Variants in NME8 observed in about 807,000 individuals in gnomAD.
NME8 encodes the protein NME/NM23 family member 8.
In NME8, 72 loss-of-function variants were observed where a neutral mutation model predicts 82.3. The observed-to-expected ratio is 0.87, with a 90% CI of 0.72 to 1.06. The LOEUF (loss-of-function observed/expected upper bound fraction) is 1.06, where lower values mean the gene tolerates loss of function less well. Among genes scored for constraint, NME8 ranks in the 50% least tolerant of loss-of-function variants. The probability of loss-of-function intolerance (pLI) is 0.00; values close to 1 mark genes in which losing one functional copy is unlikely to be tolerated. For missense variants in NME8, 712 were observed against 685.4 expected, an observed-to-expected ratio of 1.04 and a Z score of -0.43; for synonymous variants, 267 against 228.5, an observed-to-expected ratio of 1.17 and a Z score of -1.52.
chr7:37,853,368 G>A (rs912521483), intron 5 of NME8, among the ~76,000 whole-genome samples: 1 of 152,128 alleles, frequency 6.6e-6, no homozygotes, highest in African/African-American at 2.4e-5. Context: ...CCAGAAAGGA[G>A]CTAGGAAATT....
intron 17 of NME8, among the ~76,000 whole-genome samples, chr7:37,897,674 C>T (rs550149269): frequency 2.0e-5 from 3 of 151,292 alleles, no homozygotes; most frequent in African/African-American, 7.3e-5. Context: ...TCACCCCCCA[C>T]CCCCCAACAG....
Position 37,884,337 on chromosome 7 carries a change from C to T in NME8, c.1029C>T (p.Phe343=). Residue 343 remains phenylalanine (F), a synonymous_variant, in exon 13 of 18, where the codon TTC becomes TTT. Coordinates refer to ENST00000199447, the MANE Select transcript of NME8 (RefSeq NM_016616.5). ...TGCGTATTATTAAAGATGAAGACTT[C>T]AAAATACTGGAGCAAAGACAAGTAG... ...DVLRIIKDED[F]KILEQRQVVL... is the part of the protein sequence containing the mutation. 6.3e-7 allele frequency: 1 copy of T among 1,596,716 alleles called. No homozygotes were observed. Among genetic ancestry groups the T allele is most frequent in the Non-Finnish European group, 8.6e-7 (1 of 1,164,386 alleles).
At chr7:37,860,005 C>A (rs1200889509) in intron 6 of NME8, among the ~76,000 whole-genome samples, 2 of 152,250 alleles carry the variant, frequency 1.3e-5, no homozygotes, top group Non-Finnish European at 2.9e-5. Flanking sequence ...TTTTAGCTGA[C>A]AACAGATTCA....
At chr7:37,855,963 G>T (rs545610234) in intron 5 of NME8, among the ~76,000 whole-genome samples, 64 of 152,104 alleles carry the variant, frequency 4.2e-4, no homozygotes, top group Non-Finnish European at 7.6e-4. Context: ...ATTACTCTTA[G>T]ACTGGATTCT....
chr7:37,869,129 T>C (rs1784733415), intron 11 of NME8, among the ~76,000 whole-genome samples: 1 of 152,218 alleles, frequency 6.6e-6, no homozygotes, highest in South Asian at 2.1e-4. Context: ...TCTTGACTTA[T>C]TAATGAATCA....
chr7:37,889,018 T>C (rs1438670865), intron 15 of NME8, among the ~76,000 whole-genome samples: 7 of 151,892 alleles, frequency 4.6e-5, no homozygotes, highest in Admixed American at 2.0e-4. Flanking sequence ...AGCACTGAGA[T>C]TGGTATTTGG....
chr7:37,858,657 G>A (rs1054668232), intron 6 of NME8, among the ~76,000 whole-genome samples: 2 of 152,190 alleles, frequency 1.3e-5, no homozygotes, highest in Non-Finnish European at 2.9e-5. Flanking sequence ...GGAACAATGA[G>A]GAGGCTTTAG....
intron 6 of NME8, among the ~76,000 whole-genome samples, chr7:37,859,278 G>A (rs1784563168): frequency 6.6e-6 from 1 of 152,094 alleles, no homozygotes; most frequent in South Asian, 2.1e-4. Flanking sequence ...CAGAGTTTAA[G>A]TCCACCCTTC....
intron 6 of NME8, among the ~76,000 whole-genome samples, chr7:37,860,678 C>T (rs914957699): frequency 1.3e-5 from 2 of 152,158 alleles, no homozygotes; most frequent in Non-Finnish European, 2.9e-5. Flanking sequence ...CAATAAATCA[C>T]GTTTACATCT....
Position 37,862,061 on chromosome 7 carries a change from A to C in NME8, c.304A>C (p.Asn102His). ...AATTATCGAAAAGATTCAGGGTGCA[A>C]ATGCACCGCTTGTTAATAAAAAAGT... Reference protein sequence around the residue: ...GKIIEKIQGANAPLVNKKVIN... With the variant: ...GKIIEKIQGAHAPLVNKKVIN... The change falls in exon 7 of 18, where the codon AAT (asparagine) becomes CAT (histidine). Residue 102 changes from asparagine to histidine, a missense_variant. By Grantham distance (68) the Asn-to-His change is moderately conservative. Coordinates refer to ENST00000199447, the MANE Select transcript of NME8 (RefSeq NM_016616.5). The C allele has an allele frequency of 6.2e-7, 1 of 1,613,594 alleles. No individual in the cohort carries two copies. The highest frequency in any genetic ancestry group is 8.5e-7 in the Non-Finnish European group (1 of 1,179,624).
chr7:37,894,424 G>T, intron 15 of NME8, 42 bp from the exon 16 acceptor site: 1 of 1,595,116 alleles, frequency 6.3e-7, no homozygotes, highest in South Asian at 1.1e-5. Context: ...TGGAGGAAAA[G>T]TGAAGCAATC....
intron 15 of NME8, among the ~76,000 whole-genome samples, chr7:37,894,152 A>C (rs963023123): frequency 1.3e-5 from 2 of 152,166 alleles, no homozygotes; most frequent in Non-Finnish European, 2.9e-5. Flanking sequence ...TGGCATTTGT[A>C]GTATGAAGGT....
Position 37,888,363 on chromosome 7 carries a change from A to G in NME8, c.1334A>G (p.Gln445Arg). Residue 445 changes from glutamine to arginine, a missense_variant, in exon 15 of 18, where the codon CAG becomes CGG. Physicochemically the swap from Gln to Arg is conservative, Grantham distance 43. Coordinates refer to ENST00000199447, the MANE Select transcript of NME8 (RefSeq NM_016616.5). Reference sequence around the variant, plus strand: ...TTAGAAACCGCTGAAAGGGAAATACAGCATTTCTTTCCTCTTCAAAGCACT... The same window carrying G: ...TTAGAAACCGCTGAAAGGGAAATACGGCATTTCTTTCCTCTTCAAAGCACT... ...DSLETAEREIQHFFPLQSTLG... is the reference protein window; with the variant it reads ...DSLETAEREIRHFFPLQSTLG... The G allele has an allele frequency of 1.2e-6, 2 of 1,613,578 alleles. No individual in the cohort carries two copies. Among genetic ancestry groups the G allele is most frequent in the Non-Finnish European group, 1.7e-6 (2 of 1,179,650 alleles).
Position 37,863,445 on chromosome 7 carries a change from C to CA in NME8, c.438dup (p.Pro147ThrfsTer3), listed in dbSNP as rs778583824. On this transcript the variant is annotated frameshift_variant, in exon 8 of 18. Transcript: ENST00000199447. LOFTEE classifies it high-confidence loss of function. ...TCAGATTCAGAAGTTAGTGAAGAAT[C>CA]ACCATGTGAAAGTGTTCGTAAGTAA... is the stretch of plus-strand genomic sequence containing the variant. 84 of 1,598,718 alleles carry CA rather than the reference C, an allele frequency of 5.3e-5. No individual in the cohort carries two copies. The highest frequency in any genetic ancestry group is 6.9e-5 in the Non-Finnish European group (81 of 1,166,234).
At chr7:37,857,572 G>A (rs1040593839) in intron 6 of NME8, among the ~76,000 whole-genome samples, 3 of 152,180 alleles carry the variant, frequency 2.0e-5, no homozygotes, top group East Asian at 3.8e-4. Flanking sequence ...GAAAGGAAAA[G>A]TAAGATGGCG....
At chr7:37,877,048 A>G (rs2131960425) in intron 12 of NME8, 41 bp downstream of exon 12, 2 of 1,520,512 alleles carry the variant, frequency 1.3e-6, no homozygotes, top group African/African-American at 2.7e-5. Context: ...TTTTATATAG[A>G]TGAGATTTGA....
At chr7:37,865,826 C>T (rs1414066136) in intron 10 of NME8, among the ~76,000 whole-genome samples, 1 of 152,062 alleles carries the variant, frequency 6.6e-6, no homozygotes, top group African/African-American at 2.4e-5. Context: ...CCGAGCAAAA[C>T]TGGATGGTCT....
chr7:37,880,969 A>G (rs941527830), intron 12 of NME8, among the ~76,000 whole-genome samples: 2 of 152,154 alleles, frequency 1.3e-5, no homozygotes, highest in Non-Finnish European at 2.9e-5. Flanking sequence ...TGACTTTTGT[A>G]TATTAATTAT....
At chr7:37,885,397 A>T in intron 14 of NME8, 145 bp downstream of exon 14, 1 of 685,660 alleles carries the variant, frequency 1.5e-6, no homozygotes, top group Non-Finnish European at 2.6e-6. Context: ...TGGACTGCTT[A>T]TGACTGGAGG....
Sources: allele counts gnomAD v4.1 joint callset (sites outside exome capture counted in the v4.1 genomes callset), GRCh38; gene constraint gnomAD v4.1.1; transcripts MANE v1.5; gene names NCBI Gene and HGNC (gene_info 2026-07-23, HGNC 2026-07-21).